Variants in ALPK1 observed in about 807,000 individuals in gnomAD.
ALPK1 encodes the protein alpha-protein kinase 1.
A neutral mutation model predicts 120.6 loss-of-function variants in ALPK1; 110 were observed. The observed-to-expected ratio is 0.91, with a 90% CI of 0.78 to 1.07. The LOEUF (loss-of-function observed/expected upper bound fraction) is 1.07. ALPK1 is among the 50% of genes least tolerant of loss of function. ALPK1 has a pLI of 0.00. For synonymous variants in ALPK1, 582 were observed against 560.3 expected, an observed-to-expected ratio of 1.04 and a Z score of -0.55; for missense variants, 1,498 against 1,483.9, an observed-to-expected ratio of 1.01 and a Z score of -0.16.
chr4:112,440,380 G>T (rs952363877), intron 14 of ALPK1, among the ~76,000 whole-genome samples: 1 of 151,800 alleles, frequency 6.6e-6, no homozygotes, highest in Non-Finnish European at 1.5e-5. Context: ...TAGTTTGTCT[G>T]GTATTTTATT....
intron 5 of ALPK1, among the ~76,000 whole-genome samples, chr4:112,412,757 G>A (rs1268309736): frequency 1.3e-5 from 2 of 152,150 alleles, no homozygotes; most frequent in Admixed American, 6.5e-5. Flanking sequence ...AAAAGAGAAG[G>A]CAAGTTACCC....
chr4:112,442,053 C>T lies in ALPK1; in HGVS notation c.*843C>T, dbSNP rs1165145683. 1.3e-5 allele frequency: 2 copies of T among 153,112 alleles called. No individual in the cohort carries two copies. The highest frequency in any genetic ancestry group is 2.9e-5 in the Non-Finnish European group (2 of 68,806). 9.5% of individuals were successfully genotyped at this position (153,112 alleles called of 1,614,324 possible). A position where few individuals can be genotyped will look rare whatever the true frequency, so the allele number is the denominator to read the frequency against. ...AAACTTACAATCATGGCAGAAGGCA[C>T]CTCTTCATAGGGTAGCAGGAGAGAG... is the stretch of plus-strand genomic sequence containing the variant. On this transcript the variant is annotated 3_prime_UTR_variant, in exon 16 of 16. Coordinates refer to ENST00000650871, the MANE Select transcript of ALPK1 (RefSeq NM_025144.4).
intron 5 of ALPK1, among the ~76,000 whole-genome samples, chr4:112,412,880 G>C (rs1403063214): frequency 6.6e-6 from 1 of 152,132 alleles, no homozygotes; most frequent in Non-Finnish European, 1.5e-5. Flanking sequence ...CTTTGAAAAG[G>C]AACTGTACTA....
At chr4:112,423,656 C>T (rs1734099563) in intron 5 of ALPK1, 2 of 526,380 alleles carry the variant, frequency 3.8e-6, no homozygotes, top group Admixed American at 2.4e-5. Context: ...GAAAAGTTTG[C>T]CTCTACTCCT....
chr4:112,322,190 C>A (rs1198265610), intron 2 of ALPK1, among the ~76,000 whole-genome samples: 1 of 152,090 alleles, frequency 6.6e-6, no homozygotes, highest in Non-Finnish European at 1.5e-5. Flanking sequence ...ACTTATAAAG[C>A]AAATTTTGTG....
chr4:112,321,246 C>A (rs1431340415), intron 2 of ALPK1, among the ~76,000 whole-genome samples: 1 of 151,802 alleles, frequency 6.6e-6, no homozygotes, highest in Non-Finnish European at 1.5e-5. Context: ...CTTTTCTTTT[C>A]TTGGTTAATC....
intron 2 of ALPK1, among the ~76,000 whole-genome samples, chr4:112,330,315 G>A (rs1243692791): frequency 6.6e-6 from 1 of 152,170 alleles, no homozygotes; most frequent in Non-Finnish European, 1.5e-5. Flanking sequence ...AGAGAAAGGA[G>A]ACATTTGGCA....
intron 2 of ALPK1, chr4:112,358,539 A>G: frequency 1.4e-6 from 1 of 697,150 alleles, no homozygotes; most frequent in African/African-American, 1.8e-5. Flanking sequence ...GGCAGCCTGT[A>G]TATGGAGTAT....
intron 2 of ALPK1, among the ~76,000 whole-genome samples, chr4:112,322,001 A>G (rs1275407741): frequency 6.7e-6 from 1 of 150,206 alleles, no homozygotes; most frequent in Non-Finnish European, 1.5e-5. Flanking sequence ...AGGCACTAGA[A>G]AGAAGAACCA....
chr4:112,427,036 G>A (rs1734265567), intron 8 of ALPK1, among the ~76,000 whole-genome samples: 1 of 152,124 alleles, frequency 6.6e-6, no homozygotes, highest in South Asian at 2.1e-4. Context: ...GAAACATCTG[G>A]TTATTACATT....
chr4:112,354,752 G>A (rs1730523317), intron 2 of ALPK1, among the ~76,000 whole-genome samples: 1 of 152,140 alleles, frequency 6.6e-6, no homozygotes, highest in Admixed American at 6.5e-5. Context: ...ACAGGCATGA[G>A]TCACCATGCC....
rs1482666505 is a variant in ALPK1 at position 112,435,213 on chromosome 4, T to C, written c.3100T>C (p.Leu1034=). ...GACGGCCCAGGAAACTATTGTCTAT[T>C]TGGGGGACTACTTGACTGTGAAGAA... The part of the protein sequence containing the change: ...LWTAQETIVY[L]GDYLTVKKKG... The change falls in exon 12 of 16, where the codon TTG becomes CTG. Residue 1034 remains leucine, a synonymous_variant. Transcript: ENST00000650871. 38 of 1,613,726 alleles carry C rather than the reference T, an allele frequency of 2.4e-5. No individual in the cohort carries two copies. Among genetic ancestry groups the C allele is most frequent in the Non-Finnish European group, 3.0e-5 (35 of 1,179,862 alleles).
Position 112,356,356 on chromosome 4 carries a change from G to A in ALPK1, c.-100-21322G>A, listed in dbSNP as rs986437323. ...TTGCCTGCAATTTTGCCGATAGGGT[G>A]CAAGGGGAGCTTCTCTCAGATCAGG... On this transcript the variant is annotated intron_variant, in intron 2 of 15. Transcript: ENST00000650871. 5.9e-6 allele frequency: 5 copies of A among 845,318 alleles called. No individual in the cohort carries two copies. In the Admixed American group the frequency reaches 8.6e-5, roughly 14 times the overall value. 52.4% of individuals were successfully genotyped at this position (845,318 alleles called of 1,614,324 possible).
At chr4:112,391,922 A>T (rs1171016012) in intron 4 of ALPK1, among the ~76,000 whole-genome samples, 1 of 152,220 alleles carries the variant, frequency 6.6e-6, no homozygotes, top group Admixed American at 6.5e-5. Flanking sequence ...TTAGTATGTA[A>T]GCCTGTGCCT....
chr4:112,358,561 A>G, intron 2 of ALPK1: 1 of 702,260 alleles, frequency 1.4e-6, no homozygotes, highest in Non-Finnish European at 2.6e-6. Flanking sequence ...AGCAGGAGCC[A>G]GACCCTGCCT....
At chr4:112,327,644 A>C (rs1729174357) in intron 2 of ALPK1, among the ~76,000 whole-genome samples, 1 of 152,048 alleles carries the variant, frequency 6.6e-6, no homozygotes, top group Non-Finnish European at 1.5e-5. Flanking sequence ...CTCTACAAAC[A>C]ATGTTGTCTA....
At chr4:112,336,855 A>G (rs190107322) in intron 2 of ALPK1, among the ~76,000 whole-genome samples, 3 of 152,310 alleles carry the variant, frequency 2.0e-5, no homozygotes, top group African/African-American at 2.4e-5. Flanking sequence ...CTAGACTACA[A>G]CCACATCTGA....
chr4:112,308,856 G>A (rs1215799083), intron 1 of ALPK1, among the ~76,000 whole-genome samples: 20 of 152,064 alleles, frequency 1.3e-4, no homozygotes, highest in Admixed American at 1.3e-3. Flanking sequence ...TTTCTGCTCT[G>A]TTTTTTCCCC....
At chr4:112,327,350 G>A (rs1015016028) in intron 2 of ALPK1, among the ~76,000 whole-genome samples, 1 of 152,206 alleles carries the variant, frequency 6.6e-6, no homozygotes, top group Non-Finnish European at 1.5e-5. Flanking sequence ...TAAGTTGATA[G>A]CAAGCTAAGT....
Sources: allele counts gnomAD v4.1 joint callset (sites outside exome capture counted in the v4.1 genomes callset), GRCh38; gene constraint gnomAD v4.1.1; transcripts MANE v1.5; gene names NCBI Gene and HGNC (gene_info 2026-07-23, HGNC 2026-07-21).